Variants in ASAP1 observed in about 807,000 individuals in gnomAD.
The protein encoded by ASAP1 is arf-GAP with SH3 domain, ANK repeat and PH domain-containing protein 1.
In ASAP1, 43 loss-of-function variants were observed where a neutral mutation model predicts 145.2. The ratio of observed to expected loss-of-function variants is 0.30; its 90% CI spans 0.23 to 0.38. The LOEUF is 0.38. Among genes scored for constraint, ASAP1 ranks in the 10% least tolerant of loss-of-function variants. The pLI, the probability that ASAP1 is intolerant of heterozygous loss-of-function variation, is 1.00. For synonymous variants in ASAP1, 546 were observed against 515.5 expected (o/e 1.06, Z -0.80); for missense variants, 1,018 against 1,355.3 (o/e 0.75, Z 3.91).
At chr8:130,423,135 G>A (rs533150120) in intron 1 of ASAP1, among the ~76,000 whole-genome samples, 16 of 152,004 alleles carry the variant, frequency 1.1e-4, no homozygotes, top group South Asian at 8.3e-4. Context: ...ACAGAGTCTC[G>A]CTCTGTCACC....
chr8:130,229,738 C>G (rs1370134921), intron 4 of ASAP1, among the ~76,000 whole-genome samples: 3 of 152,136 alleles, frequency 2.0e-5, no homozygotes, highest in African/African-American at 7.2e-5. Context: ...CATCCTAAGG[C>G]TTTAAAAAAC....
intron 1 of ASAP1, among the ~76,000 whole-genome samples, chr8:130,417,775 G>T (rs548411352): frequency 6.6e-6 from 1 of 152,298 alleles, no homozygotes; most frequent in South Asian, 2.1e-4. Flanking sequence ...CTGTTCAGGG[G>T]AAGGATGGCA....
Position 130,162,121 on chromosome 8 carries a change from G to A in ASAP1, c.910-2157C>T, listed in dbSNP as rs925343369. Among the ~76,000 whole-genome samples the A allele has an allele frequency of 6.6e-5, 10 of 152,140 alleles. No homozygotes were observed. The East Asian group carries it at 1.7e-3, about 26-fold the overall frequency. On this transcript the variant is annotated intron_variant, in intron 11 of 29. Transcript: ENST00000518721. ...ACCTAAATGTTCACTTTTAATCAGGGCCTATAGCCTTGAATTCTATAGTAA... is the reference window on the plus strand; with the variant it reads ...ACCTAAATGTTCACTTTTAATCAGGACCTATAGCCTTGAATTCTATAGTAA...
chr8:130,312,234 G>C (rs978074332), intron 3 of ASAP1, among the ~76,000 whole-genome samples: 1 of 150,540 alleles, frequency 6.6e-6, no homozygotes, highest in Non-Finnish European at 1.5e-5. Flanking sequence ...CTGTGATCAC[G>C]CCACTGCCCT....
At chr8:130,222,654 C>T (rs889313546) in intron 4 of ASAP1, among the ~76,000 whole-genome samples, 1 of 152,206 alleles carries the variant, frequency 6.6e-6, no homozygotes, top group African/African-American at 2.4e-5. Flanking sequence ...TAAGACAAGA[C>T]TTCCTGTCCT....
chr8:130,346,966 T>C, intron 3 of ASAP1, among the ~76,000 whole-genome samples: 1 of 152,194 alleles, frequency 6.6e-6, no homozygotes, highest in Non-Finnish European at 1.5e-5. Flanking sequence ...TTCAAAACAA[T>C]GAAGACAATT....
At chr8:130,420,849 C>T (rs1408041732) in intron 1 of ASAP1, among the ~76,000 whole-genome samples, 2 of 150,996 alleles carry the variant, frequency 1.3e-5, no homozygotes, top group Admixed American at 6.6e-5. Flanking sequence ...GCCAAGATCA[C>T]GCCACTGCAC....
At chr8:130,240,150 G>GT (rs1818437179) in intron 3 of ASAP1, among the ~76,000 whole-genome samples, 1 of 152,090 alleles carries the variant, frequency 6.6e-6, no homozygotes, top group African/African-American at 2.4e-5. Flanking sequence ...ACTTCCTTTT[G>GT]TGGGGGGGAG....
chr8:130,238,257 C>G lies in ASAP1; in HGVS notation c.187-1263G>C, dbSNP rs1320435993. 3.3e-5 allele frequency among the ~76,000 whole-genome samples: 5 copies of G among 152,148 alleles called. No homozygotes were observed. The East Asian group carries it at 9.7e-4, about 29-fold the overall frequency. The stretch of plus-strand genomic sequence containing the variant: ...GGGCTTGGAAACAAGGACCACAATG[C>G]TCAGTCGCTTTCTGGTCACATCAGC... On this transcript the variant is annotated intron_variant, in intron 3 of 29. Transcript: ENST00000518721.
intron 3 of ASAP1, among the ~76,000 whole-genome samples, chr8:130,320,621 G>C (rs1823941865): frequency 8.2e-6 from 1 of 121,394 alleles, no homozygotes; most frequent in Admixed American, 9.4e-5. Flanking sequence ...AGAAGTCTAG[G>C]GCTGTATGAA....
At chr8:130,192,596 G>T (rs1010271018) in intron 5 of ASAP1, among the ~76,000 whole-genome samples, 2 of 152,096 alleles carry the variant, frequency 1.3e-5, no homozygotes, top group Non-Finnish European at 2.9e-5. Flanking sequence ...AAGTAAGGTT[G>T]GGGGGCCTGA....
At position 130,407,486 on chromosome 8, in the gene ASAP1, C is replaced by T. The variant is rs949817987; in HGVS notation, c.-27-5516G>A. 8.5e-5 allele frequency among the ~76,000 whole-genome samples: 13 copies of T among 152,330 alleles called. No homozygotes were observed. The East Asian group carries it at 2.3e-3, about 27-fold the overall frequency. On this transcript the variant is annotated intron_variant, in intron 1 of 29. Transcript: ENST00000518721. Reference sequence around the variant, plus strand: ...GGGAGCGGCAGCATCTGTACATAGACGCTCAATAAATATCTGTCGAAGGAG... The same window carrying T: ...GGGAGCGGCAGCATCTGTACATAGATGCTCAATAAATATCTGTCGAAGGAG...
intron 28 of ASAP1, among the ~76,000 whole-genome samples, chr8:130,058,377 C>T (rs1192269867): frequency 1.3e-5 from 2 of 152,172 alleles, no homozygotes; most frequent in Admixed American, 6.5e-5. Flanking sequence ...TGAGCTTCAC[C>T]AAAAACCATC....
At chr8:130,298,653 C>T (rs1025991651) in intron 3 of ASAP1, among the ~76,000 whole-genome samples, 7 of 152,188 alleles carry the variant, frequency 4.6e-5, no homozygotes, top group African/African-American at 1.7e-4. Flanking sequence ...GGCTCATTAC[C>T]GTTCTTGTTC....
At chr8:130,090,145 G>C (rs1194872913) in intron 25 of ASAP1, among the ~76,000 whole-genome samples, 1 of 152,140 alleles carries the variant, frequency 6.6e-6, no homozygotes, top group African/African-American at 2.4e-5. Flanking sequence ...TCTTGCTCTT[G>C]AGTGATGTGA....
chr8:130,119,080 C>T (rs945829777), intron 18 of ASAP1, among the ~76,000 whole-genome samples: 4 of 151,842 alleles, frequency 2.6e-5, no homozygotes, highest in Non-Finnish European at 4.4e-5. Flanking sequence ...GGATTTTGGT[C>T]GTCTGATATA....
chr8:130,229,038 G>A (rs1301757712), intron 4 of ASAP1, among the ~76,000 whole-genome samples: 1 of 152,144 alleles, frequency 6.6e-6, no homozygotes, highest in African/African-American at 2.4e-5. Flanking sequence ...GTCTGTGAAT[G>A]CAACAGACAA....
intron 1 of ASAP1, among the ~76,000 whole-genome samples, chr8:130,437,104 C>CAAAA: frequency 1.1e-5 from 1 of 89,394 alleles, no homozygotes; most frequent in Non-Finnish European, 2.5e-5. Flanking sequence ...GATTTCATCT[C>CAAAA]AAAAAAAAAA....
rs1817747847 is a variant in ASAP1, at chr8:130,228,935, TC to T, written c.259+7986del. Among the ~76,000 whole-genome samples the T allele has an allele frequency of 2.6e-5, 4 of 151,490 alleles. No individual in the cohort carries two copies. The South Asian group carries it at 8.4e-4, about 32-fold the overall frequency. ...GAAAAATCAGCACGGGGTGTTCCAG[TC>T]CCCCCAGCACCCATACAGCTCTCCA... is the stretch of plus-strand genomic sequence containing the variant. On this transcript the variant is annotated intron_variant, in intron 4 of 29. Coordinates refer to ENST00000518721, the MANE Select transcript of ASAP1 (RefSeq NM_018482.4).
Sources: gnomAD v4.1 joint callset for allele counts (sites outside exome capture counted in the v4.1 genomes callset) on GRCh38, gnomAD v4.1.1 for gene constraint, MANE v1.5 for transcripts, NCBI Gene and HGNC (gene_info 2026-07-23, HGNC 2026-07-21) for gene names.